The following GTF2E1 variants were observed in gnomAD, a reference collection of about 807,000 sequenced individuals.
GTF2E1 encodes general transcription factor IIE subunit 1, also known as TFIIE alpha subunit.
Under a neutral mutation model 34.9 loss-of-function variants are expected in GTF2E1, and 14 were observed. The observed-to-expected ratio is 0.40, with a 90% confidence interval of 0.27 to 0.63. The LOEUF is 0.63. Among genes scored for constraint, GTF2E1 ranks in the 20% least tolerant of loss-of-function variants. The probability of loss-of-function intolerance (pLI) is 0.39; values close to 1 mark genes in which losing one functional copy is unlikely to be tolerated. For missense variants in GTF2E1, 469 were observed against 557.7 expected (o/e 0.84, Z 1.60); for synonymous variants, 188 against 192.9 (o/e 0.97, Z 0.21).
chr3:120,780,506 G>T (rs917376045), intron 4 of GTF2E1, among the ~76,000 whole-genome samples: 2 of 152,194 alleles, frequency 1.3e-5, no homozygotes, highest in African/African-American at 2.4e-5. Context: ...GGCTACTGTG[G>T]CTAGACAAGA....
rs560878722 is a variant in GTF2E1, at chr3:120,760,704, T to A, written c.448+9704T>A. 1.1e-4 allele frequency among the ~76,000 whole-genome samples: 16 copies of A among 152,304 alleles called. 1 individual carries two copies. The South Asian group carries it at 3.3e-3, about 32-fold the overall frequency. On this transcript the variant is annotated intron_variant, in intron 2 of 4. Transcript: ENST00000283875. The stretch of plus-strand genomic sequence containing the variant: ...TAATCGTGTGCTTTTTGTCATTGGT[T>A]CTGTTTATGTGATGGATTACATTTA...
intron 2 of GTF2E1, among the ~76,000 whole-genome samples, chr3:120,758,297 T>C (rs1709227497): frequency 6.6e-6 from 1 of 152,178 alleles, no homozygotes; most frequent in South Asian, 2.1e-4. Flanking sequence ...TTCTCTGTCA[T>C]AACAGAGAAA....
At chr3:120,766,593 C>T (rs1357122950) in intron 2 of GTF2E1, among the ~76,000 whole-genome samples, 1 of 151,974 alleles carries the variant, frequency 6.6e-6, no homozygotes, top group Non-Finnish European at 1.5e-5. Flanking sequence ...TCATCTTCTC[C>T]TTCATCTTTT....
At position 120,749,979 on chromosome 3, in the gene GTF2E1, T is replaced by A. The variant is rs1212445972; in HGVS notation, c.-30-544T>A. On this transcript the variant is annotated intron_variant, in intron 1 of 4. Coordinates refer to ENST00000283875, the MANE Select transcript of GTF2E1 (RefSeq NM_005513.3). ...TGGTAAAACTGTCTGGATCTAAGTATTACTTTCTTTCAGTTTTACAACAGT... is the reference window on the plus strand; with the variant it reads ...TGGTAAAACTGTCTGGATCTAAGTAATACTTTCTTTCAGTTTTACAACAGT... 6 of 152,528 alleles carry A rather than the reference T, an allele frequency of 3.9e-5. No homozygotes were observed. The South Asian group carries it at 1.2e-3, about 31-fold the overall frequency. The allele number at this position is 152,528 out of a possible 1,614,324, so 9.4% of individuals were successfully genotyped here. A position where few individuals can be genotyped will look rare whatever the true frequency, so the allele number is the denominator to read the frequency against.
chr3:120,765,017 A>G (rs779021145), intron 2 of GTF2E1, among the ~76,000 whole-genome samples: 1 of 151,260 alleles, frequency 6.6e-6, no homozygotes, highest in Non-Finnish European at 1.5e-5. Flanking sequence ...GTTGTTACCA[A>G]TCCCTTCCCC....
At chr3:120,773,823 G>T (rs1257262708) in intron 3 of GTF2E1, among the ~76,000 whole-genome samples, 1 of 152,026 alleles carries the variant, frequency 6.6e-6, no homozygotes, top group African/African-American at 2.4e-5. Context: ...TTTGACTTAT[G>T]GTCAAATGTC....
At chr3:120,763,404 G>A (rs1709281264) in intron 2 of GTF2E1, among the ~76,000 whole-genome samples, 2 of 152,116 alleles carry the variant, frequency 1.3e-5, no homozygotes, top group Non-Finnish European at 2.9e-5. Context: ...TTGGGGGGTG[G>A]TTTTATGTAT....
At chr3:120,762,164 G>A (rs1209162912) in intron 2 of GTF2E1, among the ~76,000 whole-genome samples, 1 of 152,184 alleles carries the variant, frequency 6.6e-6, no homozygotes, top group East Asian at 1.9e-4. Context: ...TAATTGTGAT[G>A]TGGTTCTGAG....
rs1401314156 is a variant in GTF2E1 at position 120,781,033 on chromosome 3, T to C, written c.893-10T>C. ...TTAAGGATATTGACTTTCTGAGTTT[T>C]ACTCCCCAGGGGGCATAGATATGGA... On this transcript the variant is annotated splice_polypyrimidine_tract_variant and intron_variant, in intron 4 of 4. Transcript: ENST00000283875. 5 of 1,574,998 alleles carry C rather than the reference T, an allele frequency of 3.2e-6. No individual in the cohort carries two copies. The highest frequency in any genetic ancestry group is 2.3e-5 in the East Asian group (1 of 44,242).
intron 4 of GTF2E1, among the ~76,000 whole-genome samples, chr3:120,779,143 A>G (rs1709426424): frequency 6.6e-6 from 1 of 152,230 alleles, no homozygotes; most frequent in South Asian, 2.1e-4. Flanking sequence ...CATCTGTAAC[A>G]GAATAATTCT....
intron 3 of GTF2E1, 108 bp downstream of exon 3, chr3:120,771,037 A>G: frequency 1.2e-6 from 1 of 865,244 alleles, no homozygotes; most frequent in Non-Finnish European, 1.9e-6. Flanking sequence ...GAGACTCAAG[A>G]CTGTAATGTT....
At chr3:120,748,467 G>A (rs367585189) in intron 1 of GTF2E1, among the ~76,000 whole-genome samples, 11 of 152,254 alleles carry the variant, frequency 7.2e-5, no homozygotes, top group African/African-American at 1.9e-4. Flanking sequence ...CTTTCTCCAT[G>A]TGGCTAGCCA....
chr3:120,751,048 C>T, intron 2 of GTF2E1, 48 bp downstream of exon 2: 1 of 1,185,376 alleles, frequency 8.4e-7, no homozygotes, highest in African/African-American at 1.5e-5. Context: ...TGTGTATTAC[C>T]TTTTTTCTTA....
intron 2 of GTF2E1, among the ~76,000 whole-genome samples, chr3:120,768,348 T>C (rs1709325809): frequency 6.6e-6 from 1 of 152,152 alleles, no homozygotes; most frequent in Non-Finnish European, 1.5e-5. Flanking sequence ...GTGCAAAGGC[T>C]CTGCAGCAGA....
Position 120,776,453 on chromosome 3 carries a change from T to C in GTF2E1, c.681T>C (p.Ala227=), listed in dbSNP as rs1297191508. The part of the protein sequence containing the change: ...SKDHAATTAG[A]ASLAGGHHRE... ...ACCATGCAGCAACTACTGCTGGAGC[T>C]GCTAGCCTAGCAGGTGGGCACCACC... The change falls in exon 4 of 5, where the codon GCT becomes GCC. Residue 227 remains alanine (A), a synonymous_variant. Coordinates refer to ENST00000283875, the MANE Select transcript of GTF2E1 (RefSeq NM_005513.3). 6.2e-7 allele frequency: 1 copy of C among 1,613,246 alleles called. No homozygotes were observed. The highest frequency in any genetic ancestry group is 2.2e-5 in the East Asian group (1 of 44,902).
chr3:120,766,146 TC>T (rs1395487116), intron 2 of GTF2E1, among the ~76,000 whole-genome samples: 1 of 152,192 alleles, frequency 6.6e-6, no homozygotes, highest in African/African-American at 2.4e-5. Flanking sequence ...GGTGTAGGCA[TC>T]AGAATTCCTT....
chr3:120,762,820 A>G (rs771301716), intron 2 of GTF2E1, among the ~76,000 whole-genome samples: 18 of 152,274 alleles, frequency 1.2e-4, no homozygotes, highest in Non-Finnish European at 2.2e-4. Context: ...ATCCTATTCT[A>G]TACCATATAT....
At chr3:120,755,678 A>G (rs547454897) in intron 2 of GTF2E1, among the ~76,000 whole-genome samples, 65 of 152,172 alleles carry the variant, frequency 4.3e-4, no homozygotes, top group Non-Finnish European at 8.5e-4. Flanking sequence ...ATTATTGACT[A>G]TAGTTACCCT....
Position 120,781,732 on chromosome 3 carries a change from G to A in GTF2E1, c.*262G>A. ...TTTCTTTTCTTTTTTTTTTTTTTTT[G>A]GAGATGAAGTCTCACTCTTGTACCC... On this transcript the variant is annotated 3_prime_UTR_variant, in exon 5 of 5. Transcript: ENST00000283875. The A allele has an allele frequency of 4.9e-6, 1 of 203,066 alleles. No homozygotes were observed. Among genetic ancestry groups the A allele is most frequent in the Non-Finnish European group, 8.4e-6 (1 of 119,044 alleles). The allele number at this position is 203,066 out of a possible 1,614,324, so 12.6% of individuals were successfully genotyped here. A position where few individuals can be genotyped will look rare whatever the true frequency, so the allele number is the denominator to read the frequency against.
Sources: gnomAD v4.1 joint callset for allele counts (sites outside exome capture counted in the v4.1 genomes callset) on GRCh38, gnomAD v4.1.1 for gene constraint, MANE v1.5 for transcripts, NCBI Gene and HGNC (gene_info 2026-07-23, HGNC 2026-07-21) for gene names.